CEP192: variants seen among roughly 807,000 people sequenced by gnomAD.
CEP192 encodes centrosomal protein 192.
A neutral mutation model predicts 271.8 loss-of-function variants in CEP192; 151 were observed. That is an observed-to-expected ratio of 0.56 (90% confidence interval 0.49 to 0.64). CEP192 has a LOEUF of 0.64. Among genes scored for constraint, CEP192 ranks in the 30% least tolerant of loss-of-function variants. CEP192 has a pLI of 0.00. For synonymous variants in CEP192, 995 were observed against 1,076.5 expected, an observed-to-expected ratio of 0.92 and a Z score of 1.48; for missense variants, 2,910 against 3,020.5, an observed-to-expected ratio of 0.96 and a Z score of 0.86.
chr18:13,045,013 T>G (rs1199395514), intron 15 of CEP192, among the ~76,000 whole-genome samples: 1 of 152,176 alleles, frequency 6.6e-6, no homozygotes, highest in Non-Finnish European at 1.5e-5. Flanking sequence ...ATTGTAATCT[T>G]CCTCTACACT....
intron 36 of CEP192, among the ~76,000 whole-genome samples, chr18:13,096,864 G>A (rs1002910594): frequency 1.3e-5 from 2 of 152,202 alleles, no homozygotes; most frequent in Non-Finnish European, 2.9e-5. Flanking sequence ...ATACACAGCT[G>A]CCTGCCCTCT....
chr18:13,113,766 T>G (rs1458109035), intron 41 of CEP192, 61 bp downstream of exon 41: 2 of 1,472,682 alleles, frequency 1.4e-6, no homozygotes, highest in East Asian at 2.4e-5. Context: ...GAAAGGGAAA[T>G]TAATAAGAAA....
Position 13,052,904 on chromosome 18 carries a change from A to AT in CEP192, c.3018-15_3018-14insT. 2 of 1,434,176 alleles carry AT rather than the reference A, an allele frequency of 1.4e-6. No individual in the cohort carries two copies. Among genetic ancestry groups the AT allele is most frequent in the Non-Finnish European group, 1.9e-6 (2 of 1,068,948 alleles). The allele number at this position is 1,434,176 out of a possible 1,614,324, so 88.8% of individuals were successfully genotyped here. A position where few individuals can be genotyped will look rare whatever the true frequency, so the allele number is the denominator to read the frequency against. On this transcript the variant is annotated splice_polypyrimidine_tract_variant and intron_variant, in intron 17 of 44. Coordinates refer to ENST00000506447, the MANE Select transcript of CEP192 (RefSeq NM_032142.4). ...GACTGGAGAACTCCAGGTGTGAGCT[A>AT]CTCTTCTCTTTCAGGTGTGCGTTAG...
chr18:13,040,878 G>A lies in CEP192; in HGVS notation c.1858G>A (p.Ala620Thr), dbSNP rs1170739580. The change falls in exon 14 of 45, where the codon GCC (alanine) becomes ACC (threonine). Residue 620 changes from alanine to threonine, a missense_variant. Coordinates refer to ENST00000506447, the MANE Select transcript of CEP192 (RefSeq NM_032142.4). Reference protein sequence around the residue: ...IRSPEKREPIALIRKSDVSRG... With the variant: ...IRSPEKREPITLIRKSDVSRG... ...ATCACCAGAGAAGAGAGAACCTATTGCCTTAATAAGAAAATCTGATGTATC... is the reference window on the plus strand; with the variant it reads ...ATCACCAGAGAAGAGAGAACCTATTACCTTAATAAGAAAATCTGATGTATC... 1 of 1,604,452 alleles carries A rather than the reference G, an allele frequency of 6.2e-7. No homozygotes were observed. The highest frequency in any genetic ancestry group is 8.5e-7 in the Non-Finnish European group (1 of 1,172,126).
At chr18:13,068,064 TACTGA>T in intron 22 of CEP192, 25 bp from the exon 23 acceptor site, 1 of 1,612,932 alleles carries the variant, frequency 6.2e-7, no homozygotes, top group Non-Finnish European at 8.5e-7. Context: ...CTGTTGGCTT[TACTGA>T]ACTGATTCTT....
chr18:13,007,166 T>A (rs1197491374), intron 3 of CEP192, among the ~76,000 whole-genome samples: 1 of 152,204 alleles, frequency 6.6e-6, no homozygotes, highest in Non-Finnish European at 1.5e-5. Context: ...CTTTTCAGAT[T>A]CCAGAATCTG....
chr18:13,072,929 C>G (rs111988318), intron 29 of CEP192, 80 bp from the exon 30 acceptor site: 16 of 1,541,218 alleles, frequency 1.0e-5, no homozygotes, highest in Non-Finnish European at 1.4e-5. Flanking sequence ...TGTTATTTAG[C>G]TTTTAAGAAT....
At chr18:13,114,884 A>T (rs552424223) in intron 42 of CEP192, among the ~76,000 whole-genome samples, 48 of 152,316 alleles carry the variant, frequency 3.2e-4, no homozygotes, top group African/African-American at 1.1e-3. Context: ...GTAGATTCTT[A>T]AAAAGCTTTA....
chr18:13,081,668 C>CTT, intron 30 of CEP192, among the ~76,000 whole-genome samples: 1 of 152,054 alleles, frequency 6.6e-6, no homozygotes, highest in Non-Finnish European at 1.5e-5. Flanking sequence ...GTATTTCTTG[C>CTT]CTTCTGCTAG....
intron 33 of CEP192, 138 bp from the exon 34 acceptor site, chr18:13,092,239 T>C: frequency 1.8e-6 from 1 of 556,164 alleles, no homozygotes. Context: ...TGCCAGGTGG[T>C]ATACTGCTAA....
Position 12,998,409 on chromosome 18 carries a change from G to T in CEP192, c.-4-1012G>T, listed in dbSNP as rs189798186. ...GCACTTAGAGTGGATTTTCGAGTCAGACCTGGGTTTGAATCTTACTAATTG... is the reference window on the plus strand; with the variant it reads ...GCACTTAGAGTGGATTTTCGAGTCATACCTGGGTTTGAATCTTACTAATTG... On this transcript the variant is annotated intron_variant, in intron 1 of 44. Coordinates refer to ENST00000506447, the MANE Select transcript of CEP192 (RefSeq NM_032142.4). Among the ~76,000 whole-genome samples the T allele has an allele frequency of 1.7e-3, 264 of 152,336 alleles. 3 individuals are homozygous for T. The highest frequency in any genetic ancestry group is 1.3e-4 in the Non-Finnish European group (9 of 68,034).
chr18:13,001,663 G>T (rs909160617), intron 3 of CEP192, 81 bp downstream of exon 3: 2 of 1,292,522 alleles, frequency 1.5e-6, no homozygotes, highest in Admixed American at 6.0e-5. Context: ...ATGTGATTGT[G>T]TATGTAATTA....
intron 30 of CEP192, among the ~76,000 whole-genome samples, chr18:13,076,613 G>A (rs2038297811): frequency 1.3e-5 from 2 of 152,154 alleles, no homozygotes; most frequent in African/African-American, 4.8e-5. Context: ...GTTTTCAAAG[G>A]TACCTTTTCC....
intron 44 of CEP192, among the ~76,000 whole-genome samples, chr18:13,117,867 A>G (rs2040504091): frequency 6.6e-6 from 1 of 152,190 alleles, no homozygotes; most frequent in African/African-American, 2.4e-5. Context: ...AGTGCACAGC[A>G]TTTGGGCTGG....
At position 13,047,377 on chromosome 18, in the gene CEP192, A is replaced by ACC. The variant is rs1195788250; in HGVS notation, c.2068-1481_2068-1480dup. On this transcript the variant is annotated intron_variant, in intron 15 of 44. Coordinates refer to ENST00000506447, the MANE Select transcript of CEP192 (RefSeq NM_032142.4). ...CTCAAACATACACACACACACACAC[A>ACC]CCTCCTAACCCCCCAATGCCAGTCA... 2.0e-5 allele frequency among the ~76,000 whole-genome samples: 3 copies of ACC among 151,482 alleles called. No homozygotes were observed. The South Asian group carries it at 6.3e-4, about 32-fold the overall frequency.
rs536758572 is a variant in CEP192 at position 13,007,427 on chromosome 18, G to T, written c.291-1029G>T. 5.3e-5 allele frequency among the ~76,000 whole-genome samples: 8 copies of T among 152,284 alleles called. No individual in the cohort carries two copies. The East Asian group carries it at 1.5e-3, about 29-fold the overall frequency. ...TCTCAACTGTCCCTGTCACTCTAAA[G>T]TTCTGGTGGTCATACTACATGCTTT... On this transcript the variant is annotated intron_variant, in intron 3 of 44. Coordinates refer to ENST00000506447, the MANE Select transcript of CEP192 (RefSeq NM_032142.4).
intron 9 of CEP192, among the ~76,000 whole-genome samples, chr18:13,026,459 C>T (rs1272019833): frequency 6.6e-6 from 1 of 152,114 alleles, no homozygotes; most frequent in Non-Finnish European, 1.5e-5. Context: ...TGGGGAAATT[C>T]TCAGTCATTA....
intron 38 of CEP192, among the ~76,000 whole-genome samples, chr18:13,102,928 A>C (rs373684466): frequency 6.6e-6 from 1 of 152,158 alleles, no homozygotes; most frequent in African/African-American, 2.4e-5. Context: ...CAGATGTGAT[A>C]TGCCCAAGAG....
intron 21 of CEP192, among the ~76,000 whole-genome samples, chr18:13,060,360 A>AT (rs1453806489): frequency 1.3e-5 from 2 of 152,240 alleles, no homozygotes; most frequent in African/African-American, 4.8e-5. Flanking sequence ...GGTACATTTT[A>AT]TAGGGCACTT....
Sources: allele counts gnomAD v4.1 joint callset (sites outside exome capture counted in the v4.1 genomes callset), GRCh38; gene constraint gnomAD v4.1.1; transcripts MANE v1.5; gene names NCBI Gene and HGNC (gene_info 2026-07-23, HGNC 2026-07-21).